Variants in MCTP1 observed in about 807,000 individuals in gnomAD.
MCTP1 encodes multiple C2 and transmembrane domain containing 1.
MCTP1 carries 69 observed loss-of-function variants against 120.6 expected under a neutral mutation model. The observed-to-expected ratio is 0.57, with a 90% confidence interval of 0.47 to 0.70. The LOEUF (loss-of-function observed/expected upper bound fraction) is 0.70. MCTP1 is among the 30% of genes least tolerant of loss of function. The pLI is 0.00. For synonymous variants in MCTP1, 529 were observed against 493.1 expected (o/e 1.07, Z -0.96); for missense variants, 1,203 against 1,248.8 (o/e 0.96, Z 0.55).
intron 2 of MCTP1, 99 bp from the exon 3 acceptor site, chr5:94,953,460 G>A: frequency 1.0e-6 from 1 of 961,552 alleles, no homozygotes; most frequent in Non-Finnish European, 1.4e-6. Flanking sequence ...AGGAAGAAAA[G>A]TTAAATGAAA....
chr5:95,008,327 T>C (rs1400552097), intron 2 of MCTP1, among the ~76,000 whole-genome samples: 1 of 152,136 alleles, frequency 6.6e-6, no homozygotes. Context: ...AGAAACCCTA[T>C]ATCTTAACCC....
At chr5:94,975,826 T>C (rs1394165362) in intron 2 of MCTP1, among the ~76,000 whole-genome samples, 6 of 152,062 alleles carry the variant, frequency 3.9e-5, no homozygotes, top group Admixed American at 2.0e-4. Context: ...CCTTCCCTGA[T>C]CTACTCATGG....
chr5:94,987,811 T>C (rs1830696376), intron 2 of MCTP1, among the ~76,000 whole-genome samples: 1 of 152,236 alleles, frequency 6.6e-6, no homozygotes, highest in Non-Finnish European at 1.5e-5. Context: ...CATGATTTGA[T>C]GAAAACTTGA....
chr5:94,892,117 T>C (rs1268329879), intron 11 of MCTP1, among the ~76,000 whole-genome samples: 2 of 152,212 alleles, frequency 1.3e-5, no homozygotes, highest in East Asian at 3.8e-4. Flanking sequence ...GGCATCGAGA[T>C]GCTCTGAGGG....
At chr5:94,805,973 C>T (rs1295063040) in intron 17 of MCTP1, among the ~76,000 whole-genome samples, 2 of 151,348 alleles carry the variant, frequency 1.3e-5, no homozygotes, top group African/African-American at 4.9e-5. Flanking sequence ...TTCTTCTCTT[C>T]CCCCTTCCTC....
At chr5:94,916,528 C>CTT (rs1053063341) in intron 8 of MCTP1, among the ~76,000 whole-genome samples, 1 of 152,122 alleles carries the variant, frequency 6.6e-6, no homozygotes, top group African/African-American at 2.4e-5. Flanking sequence ...TCATTTATTA[C>CTT]TTTTACTTAT....
intron 1 of MCTP1, among the ~76,000 whole-genome samples, chr5:95,047,446 T>C (rs548043537): frequency 6.6e-5 from 10 of 152,156 alleles, no homozygotes; most frequent in Non-Finnish European, 1.5e-4. Context: ...TGGTAATACA[T>C]GGTGTGTCAT....
At chr5:95,057,043 GA>G (rs1244987861) in intron 1 of MCTP1, among the ~76,000 whole-genome samples, 1 of 152,036 alleles carries the variant, frequency 6.6e-6, no homozygotes, top group Non-Finnish European at 1.5e-5. Context: ...AAAGGGGATT[GA>G]AAAATACCAG....
At chr5:95,034,345 A>G (rs867878592) in intron 1 of MCTP1, among the ~76,000 whole-genome samples, 2 of 152,150 alleles carry the variant, frequency 1.3e-5, no homozygotes, top group African/African-American at 2.4e-5. Flanking sequence ...TATAATAACC[A>G]AAGCAGCACG....
chr5:94,709,993 C>G (rs1370855554), intron 21 of MCTP1: 1 of 152,100 alleles, frequency 6.6e-6, no homozygotes, highest in Non-Finnish European at 1.5e-5. Flanking sequence ...AGCTAAGACT[C>G]ATTTTGGTTC....
intron 11 of MCTP1, 24 bp from the exon 12 acceptor site, chr5:94,888,996 T>A: frequency 6.6e-7 from 1 of 1,517,004 alleles, no homozygotes; most frequent in Non-Finnish European, 9.2e-7. Flanking sequence ...ACATCAGTAT[T>A]AGAAAAGGGA....
At chr5:94,803,758 G>A (rs189438619) in intron 17 of MCTP1, among the ~76,000 whole-genome samples, 26 of 152,266 alleles carry the variant, frequency 1.7e-4, no homozygotes, top group Admixed American at 3.3e-4. Context: ...AATAGAAAGA[G>A]ATGATGAAAT....
At chr5:95,009,051 GGAGAAAGAGA>G (rs1562009360) in intron 2 of MCTP1, among the ~76,000 whole-genome samples, 9 of 78,088 alleles carry the variant, frequency 1.2e-4, no homozygotes, top group Non-Finnish European at 1.9e-4. Flanking sequence ...AGTGAGAGAG[GGAGAAAGAGA>G]GAGAGAGAGA....
In MCTP1 at chr5:94,704,149, A is replaced by G. The variant is rs1301824769; in HGVS notation, c.*3347T>C. On this transcript the variant is annotated 3_prime_UTR_variant, in exon 23 of 23. Transcript: ENST00000515393. ...TCATACTTTACTGAGCAATTAGAAA[A>G]GGCTGATTCTAGATACCCTAATCAA... The G allele has an allele frequency of 6.7e-6, 1 of 149,432 alleles. No homozygotes were observed. Among genetic ancestry groups the G allele is most frequent in the Non-Finnish European group, 1.5e-5 (1 of 67,110 alleles). 9.3% of individuals were successfully genotyped at this position (149,432 alleles called of 1,614,324 possible). A position where few individuals can be genotyped will look rare whatever the true frequency, so the allele number is the denominator to read the frequency against.
At chr5:95,269,406 T>C (rs1759177452) in intron 1 of MCTP1, among the ~76,000 whole-genome samples, 1 of 152,202 alleles carries the variant, frequency 6.6e-6, no homozygotes, top group Non-Finnish European at 1.5e-5. Flanking sequence ...AACAACATGA[T>C]TTGAAGTCAT....
chr5:95,081,935 C>T, intron 1 of MCTP1: 1 of 600,910 alleles, frequency 1.7e-6, no homozygotes, highest in Non-Finnish European at 2.1e-6. Flanking sequence ...TTGTTCTCTG[C>T]AGTGAATTAA....
At chr5:94,820,306 C>T (rs950710160) in intron 17 of MCTP1, among the ~76,000 whole-genome samples, 2 of 152,106 alleles carry the variant, frequency 1.3e-5, no homozygotes, top group African/African-American at 4.8e-5. Context: ...TACAGTTAAC[C>T]ACTCTGAACA....
intron 2 of MCTP1, among the ~76,000 whole-genome samples, chr5:94,989,394 A>ACTTCTGTAG (rs1456889771): frequency 6.6e-6 from 1 of 152,214 alleles, no homozygotes; most frequent in African/African-American, 2.4e-5. Context: ...ATTGTCTCAC[A>ACTTCTGTAG]GTTTCTGTAG....
At chr5:94,873,092 A>T in intron 13 of MCTP1, 47 bp downstream of exon 13, 1 of 1,105,996 alleles carries the variant, frequency 9.0e-7, no homozygotes, top group Non-Finnish European at 1.4e-6. Context: ...AAATAAATCA[A>T]ATTTAACACA....
Sources: allele counts gnomAD v4.1 joint callset (sites outside exome capture counted in the v4.1 genomes callset), GRCh38; gene constraint gnomAD v4.1.1; transcripts MANE v1.5; gene names NCBI Gene and HGNC (gene_info 2026-07-23, HGNC 2026-07-21).